Variants in PRKAR1A observed in about 807,000 individuals in gnomAD.
PRKAR1A encodes protein kinase cAMP-dependent type I regulatory subunit alpha, also known as cAMP-dependent protein kinase type I-alpha regulatory subunit.
A neutral mutation model predicts 52.0 loss-of-function variants in PRKAR1A; 3 were observed. The ratio of observed to expected loss-of-function variants is 0.06; its 90% confidence interval spans 0.03 to 0.15. The LOEUF (loss-of-function observed/expected upper bound fraction) is 0.15, where lower values mean the gene tolerates loss of function less well. Ranked by LOEUF, PRKAR1A falls within the 10% of genes least tolerant of loss-of-function variation. PRKAR1A has a pLI of 1.00. For missense variants in PRKAR1A, 240 were observed against 477.4 expected, an observed-to-expected ratio of 0.50 and a Z score of 4.63; for synonymous variants, 188 against 168.4, an observed-to-expected ratio of 1.12 and a Z score of -0.90.
chr17:68,537,741 C>T (rs1440302355), downstream of PRKAR1A: 3 of 1,609,046 alleles, frequency 1.9e-6, no homozygotes, highest in Non-Finnish European at 2.5e-6. The surrounding 1 kb of genome is among the most constrained non-coding windows in gnomAD (Gnocchi z 4.2). Flanking sequence ...TCTTTTTTAT[C>T]CTGAAAAGAC....
intron 2 of PRKAR1A, among the ~76,000 whole-genome samples, chr17:68,522,412 C>T (rs1394656684): frequency 1.3e-5 from 2 of 152,148 alleles, no homozygotes; most frequent in Non-Finnish European, 2.9e-5. Flanking sequence ...AGGATTTTGT[C>T]TTGCAGTGTG....
the PRKAR1A span, among the ~76,000 whole-genome samples, chr17:68,443,617 G>A: frequency 6.6e-6 from 1 of 152,182 alleles, no homozygotes; most frequent in Non-Finnish European, 1.5e-5. Flanking sequence ...ATTCATAAGG[G>A]AACCAAGGTT....
chr17:68,536,885 T>C (rs1029305933), downstream of PRKAR1A: 10 of 454,058 alleles, frequency 2.2e-5, no homozygotes, highest in African/African-American at 4.0e-5. Flanking sequence ...CCACTTGTTA[T>C]AATATCTCTA....
the PRKAR1A span, among the ~76,000 whole-genome samples, chr17:68,433,074 A>T: frequency 6.6e-6 from 1 of 152,246 alleles, no homozygotes; most frequent in African/African-American, 2.4e-5. Context: ...ATATTGTTAT[A>T]TTTACAGCTA....
intron 11 of PRKAR1A, among the ~76,000 whole-genome samples, chr17:68,547,230 A>C (rs1201951631): frequency 6.6e-6 from 1 of 152,216 alleles, no homozygotes; most frequent in Non-Finnish European, 1.5e-5. Flanking sequence ...ATTATCACCT[A>C]ACAAGAGAGT....
At position 68,532,262 on chromosome 17, in the gene PRKAR1A, T is replaced by G. The variant is rs1232098532; in HGVS notation, c.*1813T>G. On this transcript the variant is annotated 3_prime_UTR_variant, in exon 11 of 11. Coordinates refer to ENST00000589228, the MANE Select transcript of PRKAR1A (RefSeq NM_002734.5). ...GCTTAAAGCTTGATTTGATCTTTGT[T>G]TAAATGCCAAAATGTACTTAAATGA... 1 of 1,045,742 alleles carries G rather than the reference T, an allele frequency of 9.6e-7. No homozygotes were observed. Among genetic ancestry groups the G allele is most frequent in the Non-Finnish European group, 1.2e-6 (1 of 861,536 alleles). 64.8% of individuals were successfully genotyped at this position (1,045,742 alleles called of 1,614,324 possible).
chr17:68,471,805 T>TAGGCCA, the PRKAR1A span, among the ~76,000 whole-genome samples: 1 of 152,164 alleles, frequency 6.6e-6, no homozygotes, highest in Non-Finnish European at 1.5e-5. Context: ...GCCTAGTTTC[T>TAGGCCA]TTTCTTTTTT....
intron 3 of PRKAR1A, 45 bp downstream of exon 3, chr17:68,522,971 C>T: frequency 6.2e-7 from 1 of 1,606,718 alleles, no homozygotes. Context: ...TTGGGACCCA[C>T]TTGGTGGTCA....
chr17:68,541,849 A>G (rs560989450), intron 11 of PRKAR1A: 2 of 1,070,844 alleles, frequency 1.9e-6, no homozygotes, highest in South Asian at 3.1e-5. Flanking sequence ...TGCTGATCCC[A>G]GGATCAATAT....
chr17:68,524,477 TCTTA>T lies in PRKAR1A; in HGVS notation c.502+404_502+407del, dbSNP rs375881109. ...AAAAGGTTCTAGGACTTCTATAGAT[TCTTA>T]CTTTGCCTATATAGACTAACATGGA... On this transcript the variant is annotated intron_variant, in intron 5 of 10. Coordinates refer to ENST00000589228, the MANE Select transcript of PRKAR1A (RefSeq NM_002734.5). 2.0e-4 allele frequency among the ~76,000 whole-genome samples: 30 copies of T among 152,294 alleles called. No homozygotes were observed. In the East Asian group the frequency reaches 4.6e-3, roughly 23 times the overall value.
the PRKAR1A span, chr17:68,420,544 C>T: frequency 6.9e-7 from 1 of 1,458,300 alleles, no homozygotes; most frequent in East Asian, 2.3e-5. Context: ...ACCCTCTTTA[C>T]AAACACACGC....
the PRKAR1A span, among the ~76,000 whole-genome samples, chr17:68,419,357 G>A: frequency 3.3e-5 from 5 of 152,148 alleles, no homozygotes; most frequent in African/African-American, 9.6e-5. Context: ...TTAGGAGTTC[G>A]AGACCAGCCT....
upstream of PRKAR1A, among the ~76,000 whole-genome samples, chr17:68,510,897 G>T (rs1600450923): frequency 6.6e-6 from 1 of 152,252 alleles, no homozygotes; most frequent in East Asian, 1.9e-4. Context: ...GTGGATTTGG[G>T]GGAGCAGTCG....
the PRKAR1A span, chr17:68,422,722 C>CT: frequency 9.9e-6 from 1 of 101,314 alleles, no homozygotes; most frequent in Non-Finnish European, 1.8e-5. Context: ...GAGTGAGACT[C>CT]TATCATCTCA....
At chr17:68,537,339 G>T, downstream of PRKAR1A, 1 of 1,118,546 alleles carries the variant, frequency 8.9e-7, no homozygotes, top group Non-Finnish European at 1.3e-6. This position sits in a 1 kb window ranked among gnomAD's most constrained non-coding sequence, Gnocchi z 4.2. Context: ...CCCACTTGCT[G>T]TTTGAGAAAA....
chr17:68,527,293 A>G (rs1202425724), intron 7 of PRKAR1A, among the ~76,000 whole-genome samples: 1 of 152,196 alleles, frequency 6.6e-6, no homozygotes, highest in Non-Finnish European at 1.5e-5. Flanking sequence ...GAATAAAGAC[A>G]TGTCAATTGT....
Position 68,531,387 on chromosome 17 carries a change from A to G in PRKAR1A, c.*938A>G. The G allele has an allele frequency of 9.4e-7, 1 of 1,065,844 alleles. No homozygotes were observed. The highest frequency in any genetic ancestry group is 4.5e-5 in the South Asian group (1 of 21,984). 66.0% of individuals were successfully genotyped at this position (1,065,844 alleles called of 1,614,324 possible). ...CTCTGCTCATTAAACTGATTCCAGG[A>G]GATTGGATTTGCTGTGACTAGATAC... On this transcript the variant is annotated 3_prime_UTR_variant, in exon 11 of 11. Coordinates refer to ENST00000589228, the MANE Select transcript of PRKAR1A (RefSeq NM_002734.5).
At chr17:68,542,818 G>A (rs2086368339) in intron 11 of PRKAR1A, 2 of 1,600,232 alleles carry the variant, frequency 1.2e-6, no homozygotes, top group African/African-American at 2.7e-5. Context: ...TCCTGCAAGA[G>A]AGGAAGCTCT....
chr17:68,547,753 C>T (rs2086635013), intron 11 of PRKAR1A, among the ~76,000 whole-genome samples: 1 of 152,190 alleles, frequency 6.6e-6, no homozygotes, highest in Non-Finnish European at 1.5e-5. Flanking sequence ...AAACTTGCTC[C>T]GTATCAGCAG....
Sources: gnomAD v4.1 joint callset for allele counts (sites outside exome capture counted in the v4.1 genomes callset) on GRCh38, gnomAD v4.1.1 for gene constraint, Gnocchi (gnomAD v3.1) non-coding constraint, MANE v1.5 for transcripts, NCBI Gene and HGNC (gene_info 2026-07-23, HGNC 2026-07-21) for gene names.